SLC13A3: variants seen among roughly 807,000 people sequenced by gnomAD.
SLC13A3 encodes the protein solute carrier family 13 member 3, also known as Na(+)/dicarboxylate cotransporter 3.
Under a neutral mutation model 59.0 loss-of-function variants are expected in SLC13A3, and 40 were observed. The ratio of observed to expected loss-of-function variants is 0.68; its 90% CI spans 0.53 to 0.88. The LOEUF (loss-of-function observed/expected upper bound fraction) is 0.88, where lower values mean the gene tolerates loss of function less well. SLC13A3 is among the 40% of genes least tolerant of loss of function. The probability of loss-of-function intolerance (pLI) is 0.00; values close to 1 mark genes in which losing one functional copy is unlikely to be tolerated. For missense variants in SLC13A3, 699 were observed against 783.2 expected, an observed-to-expected ratio of 0.89 and a Z score of 1.28; for synonymous variants, 317 against 330.3, an observed-to-expected ratio of 0.96 and a Z score of 0.44.
In SLC13A3 at chr20:46,613,649, G is replaced by A. The variant is rs1369714214; in HGVS notation, c.188C>T (p.Ala63Val). ...GGGGAAGAGGACGATGGGCAGCAGCGCCGTCACTGAGAGCGGCAGGGCCTC... is the reference window on the plus strand; with the variant it reads ...GGGGAAGAGGACGATGGGCAGCAGCACCGTCACTGAGAGCGGCAGGGCCTC... ...CTEALPLSVT[A>V]LLPIVLFPFM... The change falls in exon 2 of 13, where the codon GCG (alanine) becomes GTG (valine). Residue 63 changes from alanine to valine, a missense_variant. Transcript: ENST00000279027. 15 of 1,612,102 alleles carry A rather than the reference G, an allele frequency of 9.3e-6. No individual in the cohort carries two copies. The highest frequency in any genetic ancestry group is 4.0e-5 in the African/African-American group (3 of 75,042).
chr20:46,584,950 T>G (rs2146116151), intron 8 of SLC13A3: 1 of 167,442 alleles, frequency 6.0e-6, no homozygotes, highest in South Asian at 2.0e-4. Context: ...AGATAAAAGA[T>G]AACGTCAATC....
rs1037820747 is a variant in SLC13A3 at position 46,558,802 on chromosome 20, C to G, written c.*1220G>C. ...AGTGTGACGAGTCAGGGCCCCTGGG[C>G]TGGTGTCTTTTCCAATACTGGGCTA... is the stretch of plus-strand genomic sequence containing the variant. On this transcript the variant is annotated 3_prime_UTR_variant, in exon 13 of 13. Coordinates refer to ENST00000279027, the MANE Select transcript of SLC13A3 (RefSeq NM_022829.6). 6.6e-6 allele frequency: 1 copy of G among 152,162 alleles called. No homozygotes were observed. The highest frequency in any genetic ancestry group is 2.4e-5 in the African/African-American group (1 of 41,428). 9.4% of individuals were successfully genotyped at this position (152,162 alleles called of 1,614,324 possible).
At chr20:46,675,226 T>C (rs966868827) in intron 1 of SLC13A3, among the ~76,000 whole-genome samples, 12 of 151,756 alleles carry the variant, frequency 7.9e-5, no homozygotes, top group African/African-American at 2.7e-4. Flanking sequence ...TTTTTTTCTT[T>C]TCTTTTCTTT....
At chr20:46,594,301 T>G (rs1246251095) in intron 5 of SLC13A3, among the ~76,000 whole-genome samples, 1 of 151,676 alleles carries the variant, frequency 6.6e-6, no homozygotes, top group African/African-American at 2.4e-5. Context: ...AATATAAATA[T>G]GAAATAGACA....
At chr20:46,574,854 T>C (rs1481923350) in intron 10 of SLC13A3, among the ~76,000 whole-genome samples, 3 of 150,826 alleles carry the variant, frequency 2.0e-5, no homozygotes, top group African/African-American at 4.9e-5. Context: ...TTTTTTTTCT[T>C]AGAGATGAGG....
At chr20:46,644,771 C>T (rs750391999) in intron 1 of SLC13A3, among the ~76,000 whole-genome samples, 2 of 152,110 alleles carry the variant, frequency 1.3e-5, no homozygotes, top group African/African-American at 2.4e-5. Flanking sequence ...GGTTTGCATC[C>T]CAGGAACATG....
At chr20:46,562,303 A>AC (rs2146073505) in intron 12 of SLC13A3, among the ~76,000 whole-genome samples, 1 of 151,236 alleles carries the variant, frequency 6.6e-6, no homozygotes, top group South Asian at 2.1e-4. Flanking sequence ...TCCTTCTCCA[A>AC]CTCCACTGCA....
chr20:46,655,976 TG>T (rs2062985808), upstream of SLC13A3, among the ~76,000 whole-genome samples: 1 of 141,300 alleles, frequency 7.1e-6, no homozygotes, highest in Admixed American at 7.3e-5. Flanking sequence ...TATATATGTA[TG>T]TATATATGTA....
intron 1 of SLC13A3, among the ~76,000 whole-genome samples, chr20:46,634,963 G>A (rs1336511582): frequency 1.3e-5 from 2 of 152,216 alleles, no homozygotes; most frequent in Non-Finnish European, 2.9e-5. Context: ...TTTGCAGCTG[G>A]TGCTAATGGG....
rs1010245350 is a variant in SLC13A3, at chr20:46,626,270, C to G, written c.112-12545G>C. Among the ~76,000 whole-genome samples, 4 of 149,522 alleles carry G rather than the reference C, an allele frequency of 2.7e-5. No individual in the cohort carries two copies. The South Asian group carries it at 8.7e-4, about 33-fold the overall frequency. On this transcript the variant is annotated intron_variant, in intron 1 of 12. Transcript: ENST00000279027. ...CTTCCTCTCTCTCCTCCCTTTCTCT[C>G]TCTCCCTCCTCCTCCCTTTCTCTCT...
At chr20:46,651,192 G>C in intron 1 of SLC13A3, 119 bp downstream of exon 1, 1 of 1,350,594 alleles carries the variant, frequency 7.4e-7, no homozygotes, top group East Asian at 3.1e-5. Flanking sequence ...GAGGGAAGGC[G>C]AGGGGGTCTG....
chr20:46,653,450 C>T (rs1406724548), upstream of SLC13A3, among the ~76,000 whole-genome samples: 1 of 152,112 alleles, frequency 6.6e-6, no homozygotes, highest in Non-Finnish European at 1.5e-5. Context: ...TCCCTCTTTT[C>T]CACTCATCAC....
intron 1 of SLC13A3, among the ~76,000 whole-genome samples, chr20:46,656,823 C>T (rs2062997291): frequency 6.6e-6 from 1 of 152,054 alleles, no homozygotes; most frequent in South Asian, 2.1e-4. Context: ...TATTCTCTCT[C>T]TGTTGTTCAC....
chr20:46,666,472 T>G (rs907208127), intron 1 of SLC13A3, among the ~76,000 whole-genome samples: 2 of 149,326 alleles, frequency 1.3e-5, no homozygotes, highest in East Asian at 2.0e-4. Context: ...GTTTTGTTGC[T>G]TTGTTGTTGT....
chr20:46,615,925 C>T (rs2062549878), intron 1 of SLC13A3, among the ~76,000 whole-genome samples: 1 of 152,190 alleles, frequency 6.6e-6, no homozygotes, highest in South Asian at 2.1e-4. Flanking sequence ...TAAGCTGCCA[C>T]AGTTAATACA....
At chr20:46,631,314 A>G (rs1418125495) in intron 1 of SLC13A3, among the ~76,000 whole-genome samples, 1 of 152,240 alleles carries the variant, frequency 6.6e-6, no homozygotes, top group East Asian at 1.9e-4. Context: ...TGCTGAACAA[A>G]GTGGAGAAAC....
intron 4 of SLC13A3, among the ~76,000 whole-genome samples, chr20:46,597,596 C>G (rs1020915014): frequency 6.6e-6 from 1 of 152,058 alleles, no homozygotes; most frequent in Admixed American, 6.6e-5. Context: ...ACCACCATGC[C>G]CAGCTAATTT....
chr20:46,607,874 C>T (rs1456788963), intron 3 of SLC13A3, among the ~76,000 whole-genome samples: 1 of 152,202 alleles, frequency 6.6e-6, no homozygotes, highest in African/African-American at 2.4e-5. Flanking sequence ...ATTTCCATTT[C>T]TGTAAATGAG....
chr20:46,582,135 T>G (rs900406143), intron 9 of SLC13A3, among the ~76,000 whole-genome samples: 1 of 151,728 alleles, frequency 6.6e-6, no homozygotes, highest in African/African-American at 2.4e-5. Flanking sequence ...CAAAAAAAAT[T>G]TTTTTGAGAC....
Sources: allele counts gnomAD v4.1 joint callset (sites outside exome capture counted in the v4.1 genomes callset), GRCh38; gene constraint gnomAD v4.1.1; transcripts MANE v1.5; gene names NCBI Gene and HGNC (gene_info 2026-07-23, HGNC 2026-07-21).